The following LMX1B variants were observed in gnomAD, a reference collection of about 807,000 sequenced individuals.
LMX1B encodes the protein LIM homeobox transcription factor 1-beta.
LMX1B carries 12 observed loss-of-function variants against 51.4 expected under a neutral mutation model. The observed-to-expected ratio is 0.23, with a 90% CI of 0.15 to 0.38. The LOEUF is 0.38. Among genes scored for constraint, LMX1B ranks in the 10% least tolerant of loss-of-function variants. The pLI, the probability that LMX1B is intolerant of heterozygous loss-of-function variation, is 1.00. For synonymous variants in LMX1B, 237 were observed against 235.4 expected (o/e 1.01, Z -0.06); for missense variants, 445 against 571.1 (o/e 0.78, Z 2.25).
chr9:126,617,480 G>A (rs1293531342), intron 2 of LMX1B, among the ~76,000 whole-genome samples: 2 of 151,118 alleles, frequency 1.3e-5, no homozygotes, highest in South Asian at 4.2e-4. Flanking sequence ...AATTATTTAC[G>A]GAGCTTCTCT....
At chr9:126,660,387 G>A (rs1252550588) in intron 2 of LMX1B, among the ~76,000 whole-genome samples, 8 of 152,252 alleles carry the variant, frequency 5.3e-5, no homozygotes, top group South Asian at 4.1e-4. Flanking sequence ...TCTGTGGTCC[G>A]TGTACAACTG....
In LMX1B at chr9:126,677,323, T is replaced by C. The variant is rs1356532158; in HGVS notation, c.327-13513T>C. On this transcript the variant is annotated intron_variant, in intron 2 of 7. Coordinates refer to ENST00000373474, the MANE Select transcript of LMX1B (RefSeq NM_001174147.2). The surrounding 1 kb of genome is among the most constrained non-coding windows in gnomAD (Gnocchi z 5.0). Reference sequence around the variant, plus strand: ...GAGCTCCCCTGGGCTCAGCATGGAGTCCTGCTCCTCTCTGGCACCCCCTTC... The same window carrying C: ...GAGCTCCCCTGGGCTCAGCATGGAGCCCTGCTCCTCTCTGGCACCCCCTTC... Among the ~76,000 whole-genome samples the C allele has an allele frequency of 6.6e-6, 1 of 151,996 alleles. No homozygotes were observed. The highest frequency in any genetic ancestry group is 1.5e-5 in the Non-Finnish European group (1 of 68,002).
chr9:126,639,406 G>C (rs182353393), intron 2 of LMX1B, among the ~76,000 whole-genome samples: 1 of 152,218 alleles, frequency 6.6e-6, no homozygotes. Flanking sequence ...GAACAAAGCC[G>C]GGCCCATGCC....
In LMX1B at chr9:126,696,774, A is replaced by T; in HGVS notation, c.*323A>T. The T allele has an allele frequency of 2.3e-6, 1 of 437,704 alleles. No individual in the cohort carries two copies. The highest frequency in any genetic ancestry group is 4.2e-6 in the Non-Finnish European group (1 of 238,280). 27.1% of individuals were successfully genotyped at this position (437,704 alleles called of 1,614,324 possible). The stretch of plus-strand genomic sequence containing the variant: ...CCCATCTCTTTTTTGGGAAGCTTAA[A>T]TTCTCTCTATTTTTTTAAATGTCCT... On this transcript the variant is annotated 3_prime_UTR_variant, in exon 8 of 8. Transcript: ENST00000373474.
chr9:126,665,789 C>T (rs1564160447), intron 2 of LMX1B, among the ~76,000 whole-genome samples: 1 of 152,262 alleles, frequency 6.6e-6, no homozygotes, highest in African/African-American at 2.4e-5. Context: ...TCGGTGGGGC[C>T]AGCCCATGCC....
chr9:126,680,100 G>A lies in LMX1B; in HGVS notation c.327-10736G>A, dbSNP rs779015360. Among the ~76,000 whole-genome samples, 6 of 152,312 alleles carry A rather than the reference G, an allele frequency of 3.9e-5. No individual in the cohort carries two copies. The South Asian group carries it at 6.2e-4, about 16-fold the overall frequency. ...TGGCCCGGGGTTTCTCACCTTCCAC[G>A]TGCGTTGTCAGCCCTCTGGACTGTG... On this transcript the variant is annotated intron_variant, in intron 2 of 7. Coordinates refer to ENST00000373474, the MANE Select transcript of LMX1B (RefSeq NM_001174147.2).
At chr9:126,629,447 C>T (rs1015768183) in intron 2 of LMX1B, among the ~76,000 whole-genome samples, 3 of 152,266 alleles carry the variant, frequency 2.0e-5, no homozygotes, top group South Asian at 2.1e-4. Flanking sequence ...GTAAGACAAC[C>T]GAGGCACAGA....
Position 126,696,508 on chromosome 9 carries a change from T to C in LMX1B, c.*57T>C. ...GGGCCTGGGGGGGACTGCCAGCCTCTGCGGCCAGCCTGGCCACCCCCGCCC... is the reference window on the plus strand; with the variant it reads ...GGGCCTGGGGGGGACTGCCAGCCTCCGCGGCCAGCCTGGCCACCCCCGCCC... On this transcript the variant is annotated 3_prime_UTR_variant, in exon 8 of 8. Transcript: ENST00000373474. 1.2e-6 allele frequency: 2 copies of C among 1,603,374 alleles called. No individual in the cohort carries two copies. Among genetic ancestry groups the C allele is most frequent in the Middle Eastern group, 1.7e-4 (1 of 6,032 alleles).
intron 3 of LMX1B, 41 bp from the exon 4 acceptor site, chr9:126,693,101 C>T (rs539012383): frequency 1.7e-5 from 26 of 1,539,460 alleles, no homozygotes; most frequent in South Asian, 1.4e-4. Flanking sequence ...GCCTGGGCTG[C>T]CCCCGCCCCT....
Position 126,696,515 on chromosome 9 carries a change from A to G in LMX1B, c.*64A>G, listed in dbSNP as rs2030344638. The G allele has an allele frequency of 6.3e-7, 1 of 1,588,922 alleles. No homozygotes were observed. Among genetic ancestry groups the G allele is most frequent in the African/African-American group, 1.3e-5 (1 of 74,452 alleles). The stretch of plus-strand genomic sequence containing the variant: ...GGGGGGACTGCCAGCCTCTGCGGCC[A>G]GCCTGGCCACCCCCGCCCTGCTCTC... On this transcript the variant is annotated 3_prime_UTR_variant, in exon 8 of 8. Coordinates refer to ENST00000373474, the MANE Select transcript of LMX1B (RefSeq NM_001174147.2).
intron 2 of LMX1B, chr9:126,640,742 G>A (rs1056050833): frequency 2.6e-5 from 4 of 152,338 alleles, no homozygotes; most frequent in Admixed American, 2.6e-4. Context: ...GCTGGACTGA[G>A]GGCAGACAGG....
rs561933664 is a variant in LMX1B, at chr9:126,695,264, G to A, written c.887-575G>A. The stretch of plus-strand genomic sequence containing the variant: ...GGCCTCGGGGACCCCCACCCAGCTC[G>A]GCACCCCAGGGCTCCCCATGACCTG... On this transcript the variant is annotated intron_variant, in intron 6 of 7. Coordinates refer to ENST00000373474, the MANE Select transcript of LMX1B (RefSeq NM_001174147.2). The surrounding 1 kb of genome is among the most constrained non-coding windows in gnomAD (Gnocchi z 5.2). 1.8e-4 allele frequency among the ~76,000 whole-genome samples: 28 copies of A among 152,130 alleles called. 1 individual carries two copies. In the South Asian group the frequency reaches 4.2e-3, roughly 23 times the overall value.
intron 2 of LMX1B, among the ~76,000 whole-genome samples, chr9:126,676,559 C>T (rs1471024676): frequency 4.6e-5 from 7 of 152,224 alleles, no homozygotes; most frequent in Non-Finnish European, 7.3e-5. Context: ...AGACTCACAG[C>T]GGGACAGTAT....
intron 2 of LMX1B, among the ~76,000 whole-genome samples, chr9:126,636,288 C>T (rs1835711841): frequency 6.6e-6 from 1 of 152,104 alleles, no homozygotes; most frequent in Non-Finnish European, 1.5e-5. Context: ...GATAGGGCTC[C>T]TCACCCAGAC....
chr9:126,689,087 C>T (rs746111789), intron 2 of LMX1B, among the ~76,000 whole-genome samples: 6 of 152,292 alleles, frequency 3.9e-5, no homozygotes, highest in Admixed American at 2.0e-4. Context: ...GAGGCTACCT[C>T]CCCCAGACTG....
intron 2 of LMX1B, among the ~76,000 whole-genome samples, chr9:126,645,148 A>T (rs1393611707): frequency 1.3e-5 from 2 of 152,102 alleles, no homozygotes; most frequent in Admixed American, 6.5e-5. Context: ...CTGGAGGTCC[A>T]TGTGGAAGAC....
Position 126,671,765 on chromosome 9 carries a change from G to A in LMX1B, c.327-19071G>A, listed in dbSNP as rs561952388. 6.6e-6 allele frequency among the ~76,000 whole-genome samples: 1 copy of A among 152,100 alleles called. No individual in the cohort carries two copies. The highest frequency in any genetic ancestry group is 1.5e-5 in the Non-Finnish European group (1 of 68,008). ...AGTGTAATATCCTGTGGGCTTACTC[G>A]GGGAGAGTGAGCGAGCCAGCTCCCT... On this transcript the variant is annotated intron_variant, in intron 2 of 7. Transcript: ENST00000373474. This position sits in a 1 kb window ranked among gnomAD's most constrained non-coding sequence, Gnocchi z 4.4.
chr9:126,697,839 G>A lies in LMX1B; in HGVS notation c.*1388G>A, dbSNP rs1332820321. The A allele has an allele frequency of 2.2e-5, 1 of 45,376 alleles. No homozygotes were observed. Among genetic ancestry groups the A allele is most frequent in the African/African-American group, 6.5e-5 (1 of 15,354 alleles). 2.8% of individuals were successfully genotyped at this position (45,376 alleles called of 1,614,324 possible). A position where few individuals can be genotyped will look rare whatever the true frequency, so the allele number is the denominator to read the frequency against. On this transcript the variant is annotated 3_prime_UTR_variant, in exon 8 of 8. Transcript: ENST00000373474. ...TATATGCAGGATGGGGGCACCTACTGTTTTGTTTTGTTTTGTTTTGTTTTG... is the reference window on the plus strand; with the variant it reads ...TATATGCAGGATGGGGGCACCTACTATTTTGTTTTGTTTTGTTTTGTTTTG...
chr9:126,692,850 ACCTGTGTGAGTT>A (rs2030181938), intron 3 of LMX1B, among the ~76,000 whole-genome samples: 1 of 152,180 alleles, frequency 6.6e-6, no homozygotes, highest in Non-Finnish European at 1.5e-5. Context: ...TCCGAGGCGC[ACCTGTGTGAGTT>A]CCTGTGCAGG....
Sources: allele counts gnomAD v4.1 joint callset (sites outside exome capture counted in the v4.1 genomes callset), GRCh38; gene constraint gnomAD v4.1.1; non-coding constraint Gnocchi (gnomAD v3.1); transcripts MANE v1.5; gene names NCBI Gene and HGNC (gene_info 2026-07-23, HGNC 2026-07-21).